Variants in PHACTR3 observed in about 807,000 individuals in gnomAD.
The protein encoded by PHACTR3 is phosphatase and actin regulator 3.
PHACTR3 carries 16 observed loss-of-function variants against 66.8 expected under a neutral mutation model. The ratio of observed to expected loss-of-function variants is 0.24; its 90% CI spans 0.16 to 0.36. PHACTR3 has a LOEUF of 0.36. Ranked by LOEUF, PHACTR3 falls within the 10% of genes least tolerant of loss-of-function variation. The pLI is 1.00. For missense variants in PHACTR3, 647 were observed against 719.9 expected (o/e 0.90, Z 1.16); for synonymous variants, 323 against 292.1 (o/e 1.11, Z -1.08).
At position 59,839,039 on chromosome 20, in the gene PHACTR3, A is replaced by T. The variant is rs952016527; in HGVS notation, c.1385-1330A>T. Reference sequence around the variant, plus strand: ...AGTAATTATGGCATTTTTCAGGATTAAAAAAAAAAAAAAGATCTGACTTTG... The same window carrying T: ...AGTAATTATGGCATTTTTCAGGATTTAAAAAAAAAAAAAGATCTGACTTTG... On this transcript the variant is annotated intron_variant, in intron 9 of 12. Coordinates refer to ENST00000371015, the MANE Select transcript of PHACTR3 (RefSeq NM_080672.5). Among the ~76,000 whole-genome samples, 4 of 135,190 alleles carry T rather than the reference A, an allele frequency of 3.0e-5. No homozygotes were observed. In the South Asian group the frequency reaches 7.1e-4, roughly 24 times the overall value. 88.7% of individuals were successfully genotyped at this position (135,190 alleles called of 152,430 possible). A position where few individuals can be genotyped will look rare whatever the true frequency, so the allele number is the denominator to read the frequency against.
At chr20:59,723,573 C>T (rs761191530) in intron 1 of PHACTR3, among the ~76,000 whole-genome samples, 6 of 152,098 alleles carry the variant, frequency 3.9e-5, no homozygotes. Flanking sequence ...TATTCACGTG[C>T]ACATTTTTGT....
chr20:59,671,625 G>C (rs772607844), intron 1 of PHACTR3, among the ~76,000 whole-genome samples: 66 of 152,220 alleles, frequency 4.3e-4, no homozygotes, highest in Admixed American at 1.4e-3. Context: ...GAAATACTCA[G>C]AGCTCGGGTA....
chr20:59,749,117 C>T (rs1024496602), intron 3 of PHACTR3, among the ~76,000 whole-genome samples: 2 of 152,166 alleles, frequency 1.3e-5, no homozygotes, highest in East Asian at 1.9e-4. Context: ...TTAACGCCGT[C>T]GTGACGCTCG....
At chr20:59,822,454 T>C (rs866249431) in intron 8 of PHACTR3, among the ~76,000 whole-genome samples, 96 of 150,368 alleles carry the variant, frequency 6.4e-4, no homozygotes, top group African/African-American at 2.4e-3. Context: ...GGTGAACATG[T>C]GTGTGGCACA....
intron 1 of PHACTR3, among the ~76,000 whole-genome samples, chr20:59,614,966 C>T (rs77285532): frequency 0.019 from 2,877 of 152,184 alleles, 79 homozygotes; most frequent in African/African-American, 0.065. Flanking sequence ...TTGTGCAAAG[C>T]TTCTGAGATC....
At chr20:59,743,586 G>A (rs2039255155) in intron 2 of PHACTR3, among the ~76,000 whole-genome samples, 3 of 152,200 alleles carry the variant, frequency 2.0e-5, no homozygotes, top group Non-Finnish European at 2.9e-5. Context: ...GCTGGGTTGG[G>A]CCGAGACACT....
At chr20:59,717,518 G>A (rs2038133739) in intron 1 of PHACTR3, among the ~76,000 whole-genome samples, 1 of 152,208 alleles carries the variant, frequency 6.6e-6, no homozygotes, top group African/African-American at 2.4e-5. Context: ...AAGGGGGATA[G>A]CATTATCACT....
At chr20:59,672,973 G>T (rs550626185) in intron 1 of PHACTR3, among the ~76,000 whole-genome samples, 43 of 152,324 alleles carry the variant, frequency 2.8e-4, no homozygotes, top group Non-Finnish European at 5.0e-4. Flanking sequence ...TTGGAGAGAG[G>T]CCCTGGACAC....
At chr20:59,640,241 T>G (rs2035056076) in intron 1 of PHACTR3, among the ~76,000 whole-genome samples, 1 of 152,214 alleles carries the variant, frequency 6.6e-6, no homozygotes, top group Non-Finnish European at 1.5e-5. Flanking sequence ...CCACATGGAC[T>G]CAGGACATGT....
intron 2 of PHACTR3, among the ~76,000 whole-genome samples, chr20:59,746,280 C>G (rs1363608771): frequency 6.6e-6 from 1 of 152,196 alleles, no homozygotes; most frequent in Non-Finnish European, 1.5e-5. Context: ...GACAACTGCC[C>G]CCCAGTCAGT....
intron 8 of PHACTR3, among the ~76,000 whole-genome samples, chr20:59,819,495 C>T (rs2041972027): frequency 6.6e-6 from 1 of 151,096 alleles, no homozygotes; most frequent in African/African-American, 2.4e-5. Flanking sequence ...ATGATGGTGC[C>T]ATTGCACTCC....
chr20:59,675,187 C>G (rs561779133), intron 1 of PHACTR3, among the ~76,000 whole-genome samples: 2 of 138,402 alleles, frequency 1.4e-5, no homozygotes, highest in Non-Finnish European at 3.0e-5. Context: ...CTCCACTTAC[C>G]CCTCTCCCTC....
intron 1 of PHACTR3, among the ~76,000 whole-genome samples, chr20:59,642,370 A>G (rs1000343454): frequency 2.0e-5 from 3 of 152,004 alleles, no homozygotes; most frequent in African/African-American, 4.8e-5. Context: ...AATTCAGAAT[A>G]CATAGGAGAT....
chr20:59,679,752 T>C (rs1002094330), intron 1 of PHACTR3, among the ~76,000 whole-genome samples: 7 of 152,090 alleles, frequency 4.6e-5, no homozygotes, highest in African/African-American at 1.7e-4. Flanking sequence ...CAAGAGATAA[T>C]GAGGACCAAG....
At chr20:59,729,383 A>G (rs1261815428) in intron 1 of PHACTR3, among the ~76,000 whole-genome samples, 2 of 151,932 alleles carry the variant, frequency 1.3e-5, no homozygotes, top group Non-Finnish European at 2.9e-5. Context: ...GGAAAAGGAG[A>G]CCGGGGCACG....
Position 59,773,387 on chromosome 20 carries a change from C to T in PHACTR3, c.860C>T (p.Pro287Leu). 1 of 1,614,184 alleles carries T rather than the reference C, an allele frequency of 6.2e-7. No individual in the cohort carries two copies. The highest frequency in any genetic ancestry group is 8.5e-7 in the Non-Finnish European group (1 of 1,180,048). ...CCGCATCTCACCACGGTCCACCGGCCTCTTCCCCCAAGCCGCGTCATTGAG... is the reference window on the plus strand; with the variant it reads ...CCGCATCTCACCACGGTCCACCGGCTTCTTCCCCCAAGCCGCGTCATTGAG... ...GSPHLTTVHR[P>L]LPPSRVIEEL... The change falls in exon 6 of 13, where the codon CCT (proline) becomes CTT (leucine). Residue 287 changes from proline to leucine, a missense_variant. Pro to Leu is a moderately conservative substitution (Grantham distance 98, BLOSUM62 -3). Coordinates refer to ENST00000371015, the MANE Select transcript of PHACTR3 (RefSeq NM_080672.5).
intron 1 of PHACTR3, among the ~76,000 whole-genome samples, chr20:59,685,408 G>A (rs1201532392): frequency 3.9e-5 from 6 of 152,096 alleles, no homozygotes; most frequent in African/African-American, 9.7e-5. Flanking sequence ...TGTCTCTACC[G>A]CCTGCTTGCT....
chr20:59,577,631 G>A lies in PHACTR3; in HGVS notation c.109+14G>A, dbSNP rs530722356. On this transcript the variant is annotated intron_variant, in intron 1 of 12. Transcript: ENST00000359926. ...ATCCTGCGCAAGGTAAGCGCGCGCT[G>A]CGGGGAGGGGACGCGGGACGTGGGG... 1.0e-3 allele frequency: 1,215 copies of A among 1,207,024 alleles called. 10 individuals are homozygous for A. In the African/African-American group the frequency reaches 0.017, roughly 17 times the overall value. 74.8% of individuals were successfully genotyped at this position (1,207,024 alleles called of 1,614,324 possible).
rs929564647 is a variant in PHACTR3, at chr20:59,775,455, C to T, written c.1174+965C>T. On this transcript the variant is annotated intron_variant, in intron 7 of 12. Coordinates refer to ENST00000371015, the MANE Select transcript of PHACTR3 (RefSeq NM_080672.5). ...GACCCTGGCTGGTACTGAAGGCATG[C>T]GGTGGGTACTGTGATGGGTGGATAG... is the stretch of plus-strand genomic sequence containing the variant. Among the ~76,000 whole-genome samples, 11 of 152,238 alleles carry T rather than the reference C, an allele frequency of 7.2e-5. No homozygotes were observed. The East Asian group carries it at 7.7e-4, about 11-fold the overall frequency.
Sources: gnomAD v4.1 joint callset for allele counts (sites outside exome capture counted in the v4.1 genomes callset) on GRCh38, gnomAD v4.1.1 for gene constraint, MANE v1.5 for transcripts, NCBI Gene and HGNC (gene_info 2026-07-23, HGNC 2026-07-21) for gene names.